SOBP: variants seen among roughly 807,000 people sequenced by gnomAD.
SOBP encodes sine oculis binding protein homolog, also known as sine oculis-binding protein homolog.
SOBP carries 4 observed loss-of-function variants against 53.6 expected under a neutral mutation model. That is an observed-to-expected ratio of 0.07 (90% CI 0.04 to 0.17). The LOEUF is 0.17. Among genes scored for constraint, SOBP ranks in the 10% least tolerant of loss-of-function variants. The pLI is 1.00. For synonymous variants in SOBP, 584 were observed against 522.6 expected (o/e 1.12, Z -1.60); for missense variants, 1,088 against 1,204.7 (o/e 0.90, Z 1.43).
intron 4 of SOBP, among the ~76,000 whole-genome samples, chr6:107,571,947 C>T (rs1188022513): frequency 2.0e-5 from 3 of 151,962 alleles, no homozygotes; most frequent in African/African-American, 7.3e-5. Flanking sequence ...AGGCAAGGGA[C>T]GAGGAGAAAT....
At chr6:107,500,544 A>C (rs756493712) in intron 1 of SOBP, among the ~76,000 whole-genome samples, 5 of 151,830 alleles carry the variant, frequency 3.3e-5, no homozygotes, top group Non-Finnish European at 4.4e-5. Context: ...TTTTTTGAGA[A>C]GGAATCTCTC....
intron 4 of SOBP, among the ~76,000 whole-genome samples, chr6:107,579,361 T>G (rs1278799172): frequency 6.6e-6 from 1 of 152,092 alleles, no homozygotes. Flanking sequence ...GACACTCAGG[T>G]GACCTGAGAA....
At chr6:107,622,379 A>G (rs1252584944) in intron 5 of SOBP, among the ~76,000 whole-genome samples, 4 of 152,262 alleles carry the variant, frequency 2.6e-5, no homozygotes, top group Admixed American at 2.6e-4. Context: ...AGCAGAGGCA[A>G]CAACTATCCC....
intron 5 of SOBP, among the ~76,000 whole-genome samples, chr6:107,623,423 A>G (rs948572164): frequency 5.9e-5 from 9 of 152,166 alleles, no homozygotes; most frequent in African/African-American, 1.9e-4. Flanking sequence ...GGGCTCGGCA[A>G]ATTTTATTTG....
intron 5 of SOBP, among the ~76,000 whole-genome samples, chr6:107,611,306 G>T (rs1220707528): frequency 6.6e-6 from 1 of 152,102 alleles, no homozygotes; most frequent in Non-Finnish European, 1.5e-5. Flanking sequence ...TGGAGCCAAA[G>T]AACAGTAATC....
chr6:107,533,271 CAAAAAAAAAAAA>C (rs762864049), intron 3 of SOBP, among the ~76,000 whole-genome samples, 176 bp from the exon 4 acceptor site: 34 of 32,832 alleles, frequency 1.0e-3, no homozygotes, highest in African/African-American at 2.8e-3. Context: ...ACTTAGGAGC[CAAAAAAAAAAAA>C]AAAAAAAAAA....
chr6:107,604,990 C>T (rs1482011039), intron 5 of SOBP, among the ~76,000 whole-genome samples: 1 of 152,158 alleles, frequency 6.6e-6, no homozygotes, highest in African/African-American at 2.4e-5. Flanking sequence ...GGAATTTCTC[C>T]CTGGCCTCAC....
chr6:107,599,825 T>G (rs555536118), intron 5 of SOBP, among the ~76,000 whole-genome samples: 2 of 152,366 alleles, frequency 1.3e-5, no homozygotes, highest in South Asian at 4.1e-4. Context: ...TCAGTTTTCC[T>G]TTGTTCTGGC....
At chr6:107,633,245 A>T (rs1247456395) in intron 5 of SOBP, among the ~76,000 whole-genome samples, 1 of 152,196 alleles carries the variant, frequency 6.6e-6, no homozygotes, top group Non-Finnish European at 1.5e-5. Context: ...TCTCAGAACC[A>T]TCTTTAAGTC....
chr6:107,530,641 G>T (rs59322922), intron 3 of SOBP, among the ~76,000 whole-genome samples: 19,782 of 151,902 alleles, frequency 0.13, 1,444 homozygotes, highest in South Asian at 0.26. Flanking sequence ...TGGATCATTA[G>T]CTGCTGATAA....
At chr6:107,606,201 C>G (rs1285933315) in intron 5 of SOBP, among the ~76,000 whole-genome samples, 4 of 149,800 alleles carry the variant, frequency 2.7e-5, no homozygotes, top group African/African-American at 9.8e-5. Flanking sequence ...CTCAGCCTTC[C>G]AAGTAGCTGG....
At chr6:107,552,870 C>T (rs1583204117) in intron 4 of SOBP, among the ~76,000 whole-genome samples, 2 of 152,230 alleles carry the variant, frequency 1.3e-5, no homozygotes, top group South Asian at 4.2e-4. Flanking sequence ...CTGCAGTGAG[C>T]TATGATCACA....
intron 6 of SOBP, among the ~76,000 whole-genome samples, chr6:107,653,567 C>T (rs1299411726): frequency 6.6e-6 from 1 of 152,172 alleles, no homozygotes; most frequent in East Asian, 1.9e-4. Context: ...GGGTTTTAGA[C>T]TCCTGGGGAT....
intron 4 of SOBP, among the ~76,000 whole-genome samples, chr6:107,575,599 A>G (rs1416823705): frequency 6.6e-6 from 1 of 152,156 alleles, no homozygotes; most frequent in African/African-American, 2.4e-5. Context: ...CTCACTGTGC[A>G]AGGCAGAACC....
intron 3 of SOBP, among the ~76,000 whole-genome samples, chr6:107,508,236 G>A (rs184444355): frequency 1.5e-3 from 226 of 152,228 alleles, no homozygotes; most frequent in Non-Finnish European, 2.2e-3. Context: ...TGTTACTCTC[G>A]TTTTTCTTCA....
At chr6:107,556,996 T>C (rs542972384) in intron 4 of SOBP, among the ~76,000 whole-genome samples, 2 of 152,360 alleles carry the variant, frequency 1.3e-5, no homozygotes, top group Admixed American at 6.5e-5. Context: ...TACATTTATA[T>C]CACATTTTAT....
At position 107,634,273 on chromosome 6, in the gene SOBP, C is replaced by T. The variant is rs1168272806; in HGVS notation, c.1429C>T (p.Pro477Ser). Residue 477 changes from proline (P) to serine (S), a missense_variant, in exon 6 of 7, where the codon CCC (proline) becomes TCC (serine). This residue lies in a region of SOBP where 665 missense variants were observed against 629.7 expected (regional missense o/e 1.06). Transcript: ENST00000317357. This position sits in a 1 kb window ranked among gnomAD's most constrained non-coding sequence, Gnocchi z 4.5. ...TMPGNPPGLL[P>S]PPPPGAPLPS... ...GCCCGGGAACCCCCCAGGCCTGCTGCCCCCGCCGCCTCCGGGCGCCCCGCT... is the reference window on the plus strand; with the variant it reads ...GCCCGGGAACCCCCCAGGCCTGCTGTCCCCGCCGCCTCCGGGCGCCCCGCT... The T allele has an allele frequency of 6.4e-7, 1 of 1,558,034 alleles. No individual in the cohort carries two copies. The highest frequency in any genetic ancestry group is 8.6e-7 in the Non-Finnish European group (1 of 1,157,918).
rs1554190321 is a variant in SOBP at position 107,633,820 on chromosome 6, C to G, written c.976C>G (p.Pro326Ala). Residue 326 changes from proline (P) to alanine (A), a missense_variant, in exon 6 of 7, where the codon CCG becomes GCG. Physicochemically the swap from Pro to Ala is conservative, Grantham distance 27. Around this residue, in one of 6 missense-constraint regions of SOBP, gnomAD observed 211 missense variants for 258.9 expected, o/e 0.82. Coordinates refer to ENST00000317357, the MANE Select transcript of SOBP (RefSeq NM_018013.4). ...ATAGQSQGPG[P>A]SASTTVSPSD... ...AGCTGGCCAAAGCCAGGGCCCTGGC[C>G]CGTCGGCGTCCACCACCGTCTCTCC... 2.0e-5 allele frequency: 32 copies of G among 1,614,004 alleles called. 1 individual carries two copies. In the South Asian group the frequency reaches 2.5e-4, roughly 13 times the overall value.
chr6:107,517,576 A>C (rs1030437801), intron 3 of SOBP, among the ~76,000 whole-genome samples: 2 of 152,198 alleles, frequency 1.3e-5, no homozygotes, highest in Non-Finnish European at 2.9e-5. Context: ...CAACATATGA[A>C]TTTGGGGGAC....
Sources: allele counts gnomAD v4.1 joint callset (sites outside exome capture counted in the v4.1 genomes callset), GRCh38; gene constraint gnomAD v4.1.1; regional missense constraint gnomAD v4.1.1; non-coding constraint Gnocchi (gnomAD v3.1); transcripts MANE v1.5; gene names NCBI Gene and HGNC (gene_info 2026-07-23, HGNC 2026-07-21).